Variants in TM4SF19 observed in about 807,000 individuals in gnomAD.
The protein encoded by TM4SF19 is transmembrane 4 L6 family member 19.
TM4SF19 carries 17 observed loss-of-function variants against 21.8 expected under a neutral mutation model. The observed-to-expected ratio is 0.78, with a 90% confidence interval of 0.53 to 1.17. The LOEUF (loss-of-function observed/expected upper bound fraction) is 1.17, where lower values mean the gene tolerates loss of function less well. TM4SF19 is among the 50% of genes most tolerant of loss of function. The probability of loss-of-function intolerance (pLI) is 0.00; values close to 1 mark genes in which losing one functional copy is unlikely to be tolerated. For missense variants in TM4SF19, 216 were observed against 252.1 expected, an observed-to-expected ratio of 0.86 and a Z score of 0.97; for synonymous variants, 107 against 106.7, an observed-to-expected ratio of 1.00 and a Z score of -0.02.
chr3:196,324,625 AC>A (rs1261929473), intron 3 of TM4SF19, 185 bp from the exon 4 acceptor site: 1 of 614,590 alleles, frequency 1.6e-6, no homozygotes, highest in Non-Finnish European at 2.9e-6. Context: ...TGTCCATGGC[AC>A]CCCCTTTGAA....
At chr3:196,330,709 A>G (rs1727473534) in intron 1 of TM4SF19, among the ~76,000 whole-genome samples, 2 of 152,172 alleles carry the variant, frequency 1.3e-5, no homozygotes, top group African/African-American at 4.8e-5. Flanking sequence ...AATGGGAAAG[A>G]GGATTAGTAT....
chr3:196,336,986 G>C (rs1467288338), intron 1 of TM4SF19, among the ~76,000 whole-genome samples: 1 of 148,800 alleles, frequency 6.7e-6, no homozygotes, highest in African/African-American at 2.5e-5. Flanking sequence ...CGATGAAAAA[G>C]ATGTAATCCC....
At chr3:196,326,899 A>G in intron 3 of TM4SF19, 56 bp downstream of exon 3, 1 of 1,491,544 alleles carries the variant, frequency 6.7e-7, no homozygotes. Flanking sequence ...CCCTGCCTCT[A>G]GAGTAATAGA....
intron 2 of TM4SF19, 150 bp downstream of exon 2, chr3:196,327,240 T>A (rs1029121208): frequency 3.5e-6 from 3 of 849,008 alleles, no homozygotes; most frequent in Non-Finnish European, 5.5e-6. Context: ...CAAGCTAGGC[T>A]TCCTGTCTCT....
rs150352789 is a variant in TM4SF19, at chr3:196,332,719, A to T, written c.-1-5128T>A. ...ATCATACCAAACTCTGTATATTCAGATGCTTCTCCACTTATGATGGGGTCG... is the reference window on the plus strand; with the variant it reads ...ATCATACCAAACTCTGTATATTCAGTTGCTTCTCCACTTATGATGGGGTCG... On this transcript the variant is annotated intron_variant, in intron 1 of 4. Coordinates refer to ENST00000273695, the MANE Select transcript of TM4SF19 (RefSeq NM_138461.4). 5.4e-3 allele frequency among the ~76,000 whole-genome samples: 822 copies of T among 152,140 alleles called. 9 individuals carry two copies. The highest frequency in any genetic ancestry group is 0.017 in the African/African-American group (697 of 41,518).
intron 1 of TM4SF19, among the ~76,000 whole-genome samples, chr3:196,336,740 T>G (rs959939778): frequency 2.0e-5 from 3 of 152,362 alleles, no homozygotes; most frequent in South Asian, 2.1e-4. Context: ...AAAACCAGGC[T>G]GCTGGGGAGT....
chr3:196,331,608 C>T (rs1443002934), intron 1 of TM4SF19, among the ~76,000 whole-genome samples: 13 of 151,122 alleles, frequency 8.6e-5, no homozygotes, highest in East Asian at 2.0e-4. Context: ...GCCATCATGA[C>T]GAAACCCCAT....
intron 2 of TM4SF19, 50 bp from the exon 3 acceptor site, chr3:196,327,082 G>A (rs1455306522): frequency 2.0e-6 from 3 of 1,471,418 alleles, no homozygotes; most frequent in African/African-American, 2.8e-5. Flanking sequence ...TTTGCCGGCT[G>A]TTTCTAGGTG....
Position 196,324,806 on chromosome 3 carries a change from A to C in TM4SF19, c.280-366T>G, listed in dbSNP as rs192735706. The C allele has an allele frequency of 1.4e-4, 26 of 185,256 alleles. No individual in the cohort carries two copies. In the East Asian group the frequency reaches 3.0e-3, roughly 21 times the overall value. 11.5% of individuals were successfully genotyped at this position (185,256 alleles called of 1,614,324 possible). ...CCATTCAGCCTCTGAGCTAAAGAAG[A>C]AGCTACCACAGGCCCACCACTGACT... On this transcript the variant is annotated intron_variant, in intron 3 of 4. Coordinates refer to ENST00000273695, the MANE Select transcript of TM4SF19 (RefSeq NM_138461.4).
At position 196,324,159 on chromosome 3, in the gene TM4SF19, G is replaced by T. The variant is rs1403088721; in HGVS notation, c.449+112C>A. 7 of 1,456,494 alleles carry T rather than the reference G, an allele frequency of 4.8e-6. No individual in the cohort carries two copies. The South Asian group carries it at 7.0e-5, about 15-fold the overall frequency. The allele number at this position is 1,456,494 out of a possible 1,614,324, so 90.2% of individuals were successfully genotyped here. ...TTGCAATTTTCTGAGTATCAGAGGA[G>T]CAAGATGCTAGGATGTGTGACCCAA... is the stretch of plus-strand genomic sequence containing the variant. On this transcript the variant is annotated intron_variant, in intron 4 of 4. Transcript: ENST00000273695.
chr3:196,337,076 T>TTC (rs1727792260), intron 1 of TM4SF19, among the ~76,000 whole-genome samples: 1 of 131,856 alleles, frequency 7.6e-6, no homozygotes, highest in Non-Finnish European at 1.7e-5. Flanking sequence ...TTTTTTTTTT[T>TTC]TTGAGACACA....
intron 1 of TM4SF19, among the ~76,000 whole-genome samples, chr3:196,335,953 G>A (rs187583891): frequency 6.6e-6 from 1 of 152,042 alleles, no homozygotes; most frequent in African/African-American, 2.4e-5. Context: ...CCTTTCAAGC[G>A]GGTGCTCTAG....
rs1048959729 is a variant in TM4SF19, at chr3:196,327,434, T to A, written c.157A>T (p.Arg53Trp). 17 of 1,614,044 alleles carry A rather than the reference T, an allele frequency of 1.1e-5. No individual in the cohort carries two copies. The highest frequency in any genetic ancestry group is 1.3e-5 in the Non-Finnish European group (15 of 1,180,034). ...VTYLLRGLLG[R>W]HAMLGTGLWG... is the part of the protein sequence containing the mutation. ...AGCCCAGTTCCCAGCATGGCATGCC[T>A]GCCAAGGAGGCCCCTCAACAGGTAG... The change falls in exon 2 of 5, where the codon AGG (arginine) becomes TGG (tryptophan). Residue 53 changes from arginine to tryptophan, a missense_variant. Arg to Trp is a moderately radical substitution (Grantham distance 101). Coordinates refer to ENST00000273695, the MANE Select transcript of TM4SF19 (RefSeq NM_138461.4).
At chr3:196,332,834 T>C (rs1199507905) in intron 1 of TM4SF19, among the ~76,000 whole-genome samples, 1 of 150,222 alleles carries the variant, frequency 6.7e-6, no homozygotes, top group Admixed American at 6.8e-5. Flanking sequence ...TGACTCACAA[T>C]GGTTCAACTT....
chr3:196,335,715 G>A (rs1364826379), intron 1 of TM4SF19, among the ~76,000 whole-genome samples: 1 of 151,960 alleles, frequency 6.6e-6, no homozygotes, highest in Non-Finnish European at 1.5e-5. Flanking sequence ...TGGGAGCAGG[G>A]CGCCTGTGGA....
rs11922994 is a variant in TM4SF19, at chr3:196,335,537, G to T, written c.-2+2727C>A. 3.8e-3 allele frequency among the ~76,000 whole-genome samples: 566 copies of T among 150,258 alleles called. 3 individuals carry two copies. The highest frequency in any genetic ancestry group is 0.013 in the African/African-American group (540 of 40,520). ...GGAGAGAGGTGGGGTGCCCTGAGAG[G>T]GTGGGCGTAGGATATGAAGCAACAG... On this transcript the variant is annotated intron_variant, in intron 1 of 4. Coordinates refer to ENST00000273695, the MANE Select transcript of TM4SF19 (RefSeq NM_138461.4).
chr3:196,326,203 G>A (rs1727282966), intron 3 of TM4SF19, among the ~76,000 whole-genome samples: 1 of 152,076 alleles, frequency 6.6e-6, no homozygotes, highest in Non-Finnish European at 1.5e-5. Context: ...TCAAACTCCT[G>A]ACCTCAGGTG....
At chr3:196,337,986 A>AACCT (rs1727841512) in intron 1 of TM4SF19, among the ~76,000 whole-genome samples, 1 of 152,106 alleles carries the variant, frequency 6.6e-6, no homozygotes, top group Admixed American at 6.5e-5. Context: ...CACATGGAGG[A>AACCT]ACCTAATCCT....
In TM4SF19 at chr3:196,325,293, C is replaced by T. The variant is rs1727243171; in HGVS notation, c.280-853G>A. ...TCTCAGCTCACTGCAACCTCTGCCTCTGAGTTCAAGCGATTCTCCTGCCTC... is the reference window on the plus strand; with the variant it reads ...TCTCAGCTCACTGCAACCTCTGCCTTTGAGTTCAAGCGATTCTCCTGCCTC... On this transcript the variant is annotated intron_variant, in intron 3 of 4. Coordinates refer to ENST00000273695, the MANE Select transcript of TM4SF19 (RefSeq NM_138461.4). The surrounding 1 kb of genome is among the most constrained non-coding windows in gnomAD (Gnocchi z 4.3). 6.6e-6 allele frequency: 1 copy of T among 152,364 alleles called. No homozygotes were observed. Among genetic ancestry groups the T allele is most frequent in the Admixed American group, 6.6e-5 (1 of 15,266 alleles). 9.4% of individuals were successfully genotyped at this position (152,364 alleles called of 1,614,324 possible). A position where few individuals can be genotyped will look rare whatever the true frequency, so the allele number is the denominator to read the frequency against.
Sources: gnomAD v4.1 joint callset for allele counts (sites outside exome capture counted in the v4.1 genomes callset) on GRCh38, gnomAD v4.1.1 for gene constraint, Gnocchi (gnomAD v3.1) non-coding constraint, MANE v1.5 for transcripts, NCBI Gene and HGNC (gene_info 2026-07-23, HGNC 2026-07-21) for gene names.